CSMD1: variants seen among roughly 807,000 people sequenced by gnomAD.
The protein encoded by CSMD1 is CUB and Sushi multiple domains 1.
Under a neutral mutation model 417.5 loss-of-function variants are expected in CSMD1, and 213 were observed. The observed-to-expected ratio is 0.51, with a 90% confidence interval of 0.46 to 0.57. CSMD1 has a LOEUF of 0.57. CSMD1 is among the 20% of genes least tolerant of loss of function. The pLI, the probability that CSMD1 is intolerant of heterozygous loss-of-function variation, is 0.00. For missense variants in CSMD1, 6,923 were observed against 4,529.7 expected, an observed-to-expected ratio of 1.53 and a Z score of -15.17; for synonymous variants, 2,862 against 1,736.8, an observed-to-expected ratio of 1.65 and a Z score of -16.11.
chr8:4,758,113 AAAT>A (rs1307308885), intron 1 of CSMD1, among the ~76,000 whole-genome samples: 17 of 152,138 alleles, frequency 1.1e-4, no homozygotes, highest in Admixed American at 2.6e-4. Flanking sequence ...CAACCAAAGG[AAAT>A]AATTGGCAAC....
chr8:4,448,243 C>A (rs1310399013), intron 2 of CSMD1, among the ~76,000 whole-genome samples: 1 of 152,144 alleles, frequency 6.6e-6, no homozygotes, highest in Non-Finnish European at 1.5e-5. Context: ...GTGAAGGAAT[C>A]AAAAGCCCAT....
intron 5 of CSMD1, among the ~76,000 whole-genome samples, chr8:3,987,908 T>C (rs1479338332): frequency 6.6e-6 from 1 of 152,196 alleles, no homozygotes; most frequent in African/African-American, 2.4e-5. Context: ...ACCTGATCTC[T>C]GAGAGTCACA....
chr8:4,113,321 C>G (rs974060317), intron 3 of CSMD1, among the ~76,000 whole-genome samples: 3 of 148,436 alleles, frequency 2.0e-5, no homozygotes, highest in Admixed American at 6.7e-5. Flanking sequence ...GTCAAAAAAA[C>G]TAGGCCTGCT....
intron 41 of CSMD1, among the ~76,000 whole-genome samples, chr8:3,129,936 G>A (rs1189265126): frequency 6.6e-6 from 1 of 152,086 alleles, no homozygotes; most frequent in Admixed American, 6.5e-5. Context: ...AGCCGAGATC[G>A]CGCCACTGCA....
intron 2 of CSMD1, among the ~76,000 whole-genome samples, chr8:4,486,124 T>C (rs186844686): frequency 2.5e-5 from 1 of 39,442 alleles, no homozygotes; most frequent in Non-Finnish European, 5.5e-5. Context: ...TATACATACA[T>C]ATATATATAT....
At chr8:4,480,193 A>AC (rs1427606720) in intron 2 of CSMD1, among the ~76,000 whole-genome samples, 2 of 151,208 alleles carry the variant, frequency 1.3e-5, no homozygotes, top group African/African-American at 2.4e-5. Context: ...CTCACAAAAA[A>AC]AAAAAAACAA....
chr8:4,336,885 G>A (rs183871362), intron 3 of CSMD1, among the ~76,000 whole-genome samples: 56 of 152,134 alleles, frequency 3.7e-4, no homozygotes, highest in African/African-American at 1.3e-3. Context: ...AAACATACGG[G>A]AATGGGATTG....
At chr8:3,984,639 A>G (rs1194976396) in intron 5 of CSMD1, among the ~76,000 whole-genome samples, 2 of 147,654 alleles carry the variant, frequency 1.4e-5, no homozygotes, top group Non-Finnish European at 3.0e-5. Flanking sequence ...ACAAAATGCC[A>G]AGGCTTGTTA....
At chr8:3,715,028 A>G (rs913747489) in intron 6 of CSMD1, among the ~76,000 whole-genome samples, 1 of 152,218 alleles carries the variant, frequency 6.6e-6, no homozygotes, top group Non-Finnish European at 1.5e-5. Context: ...TGTTTAACTT[A>G]TTCATTAATA....
chr8:3,458,625 G>C (rs184634994), intron 12 of CSMD1, among the ~76,000 whole-genome samples: 1 of 152,178 alleles, frequency 6.6e-6, no homozygotes, highest in African/African-American at 2.4e-5. Flanking sequence ...ACAACGGAAC[G>C]CTAGTTGGCC....
intron 3 of CSMD1, among the ~76,000 whole-genome samples, chr8:4,100,750 G>A (rs570623971): frequency 7.2e-5 from 11 of 152,206 alleles, no homozygotes; most frequent in African/African-American, 2.2e-4. Flanking sequence ...AGCTGCAGGG[G>A]ACTACATAAA....
chr8:4,227,501 G>A (rs564665992), intron 3 of CSMD1, among the ~76,000 whole-genome samples: 65 of 152,190 alleles, frequency 4.3e-4, no homozygotes, highest in African/African-American at 1.5e-3. Context: ...GAGGCTGGAG[G>A]AGCGCATTAA....
intron 11 of CSMD1, among the ~76,000 whole-genome samples, chr8:3,491,972 C>T (rs1013432619): frequency 2.6e-5 from 4 of 152,138 alleles, no homozygotes; most frequent in African/African-American, 7.2e-5. Context: ...CCGGCCTCCA[C>T]CCAATTTATT....
chr8:3,280,466 C>T (rs1802646908), intron 26 of CSMD1, among the ~76,000 whole-genome samples: 1 of 152,116 alleles, frequency 6.6e-6, no homozygotes, highest in Non-Finnish European at 1.5e-5. Flanking sequence ...TTTCAATAAA[C>T]TTCTAAAGAC....
intron 5 of CSMD1, among the ~76,000 whole-genome samples, chr8:3,757,163 C>G (rs1032459826): frequency 1.3e-5 from 2 of 152,182 alleles, no homozygotes; most frequent in Admixed American, 1.3e-4. Flanking sequence ...CCCCTCTCTA[C>G]CACCACCTAC....
chr8:3,155,077 TA>T (rs1819434125), intron 39 of CSMD1, among the ~76,000 whole-genome samples: 1 of 151,900 alleles, frequency 6.6e-6, no homozygotes, highest in Admixed American at 6.6e-5. Flanking sequence ...CGATGTTAAG[TA>T]AAAGAGAAAA....
chr8:3,883,521 T>C (rs146797752), intron 5 of CSMD1, among the ~76,000 whole-genome samples: 180 of 152,302 alleles, frequency 1.2e-3, no homozygotes, highest in African/African-American at 4.0e-3. Flanking sequence ...AAATGAATCA[T>C]GCGGCTTTAT....
chr8:4,447,884 A>T (rs1323376974), intron 2 of CSMD1, among the ~76,000 whole-genome samples: 1 of 152,224 alleles, frequency 6.6e-6, no homozygotes, highest in Non-Finnish European at 1.5e-5. Flanking sequence ...ACGAATGTAC[A>T]ATTTTATTGT....
chr8:4,422,033 T>A (rs943412964), intron 2 of CSMD1, among the ~76,000 whole-genome samples: 2 of 152,074 alleles, frequency 1.3e-5, no homozygotes, highest in African/African-American at 4.8e-5. Flanking sequence ...ATATGTAAAA[T>A]TGGCAACTAA....
Sources: allele counts gnomAD v4.1 joint callset (sites outside exome capture counted in the v4.1 genomes callset), GRCh38; gene constraint gnomAD v4.1.1; transcripts MANE v1.5; gene names NCBI Gene and HGNC (gene_info 2026-07-23, HGNC 2026-07-21).